The following ADGRL4 variants were observed in gnomAD, a reference collection of about 807,000 sequenced individuals.
ADGRL4 encodes EGF, latrophilin and seven transmembrane domain containing 1.
A neutral mutation model predicts 74.8 loss-of-function variants in ADGRL4; 90 were observed. The observed-to-expected ratio is 1.20, with a 90% CI of 1.02 to 1.43. ADGRL4 has a LOEUF of 1.43. Ranked by LOEUF, ADGRL4 falls within the 40% of genes most tolerant of loss-of-function variation. ADGRL4 has a pLI of 0.00. For missense variants in ADGRL4, 881 were observed against 814.3 expected (o/e 1.08, Z -1.00); for synonymous variants, 311 against 279.2 (o/e 1.11, Z -1.14).
chr1:78,907,775 G>A (rs953526310), intron 12 of ADGRL4, among the ~76,000 whole-genome samples: 4 of 151,816 alleles, frequency 2.6e-5, no homozygotes, highest in African/African-American at 9.7e-5. Context: ...CTTAGGAAGT[G>A]TCAAGCAGCC....
intron 8 of ADGRL4, among the ~76,000 whole-genome samples, chr1:78,926,090 G>T (rs1649107479): frequency 6.6e-6 from 1 of 151,930 alleles, no homozygotes; most frequent in Non-Finnish European, 1.5e-5. Context: ...TGGCATGTTT[G>T]TATTGTGTGT....
At chr1:78,920,465 C>A in intron 9 of ADGRL4, 79 bp from the exon 10 acceptor site, 9 of 791,966 alleles carry the variant, frequency 1.1e-5, no homozygotes, top group South Asian at 4.3e-5. Context: ...TAATGAACTT[C>A]CTTTTTTGGT....
At chr1:78,976,805 A>G (rs78253602) in intron 2 of ADGRL4, among the ~76,000 whole-genome samples, 2 of 151,200 alleles carry the variant, frequency 1.3e-5, no homozygotes, top group African/African-American at 4.8e-5. Context: ...AGAAAAAAAA[A>G]AAACCTCCAG....
intron 8 of ADGRL4, among the ~76,000 whole-genome samples, chr1:78,924,249 G>T (rs549059361): frequency 6.6e-6 from 1 of 151,842 alleles, no homozygotes; most frequent in Non-Finnish European, 1.5e-5. Flanking sequence ...CTAATATAAG[G>T]GTAAGGTAGA....
intron 2 of ADGRL4, among the ~76,000 whole-genome samples, chr1:78,956,238 A>C (rs1262370985): frequency 1.3e-5 from 2 of 152,148 alleles, no homozygotes; most frequent in African/African-American, 4.8e-5. Context: ...GCTTCTTGGT[A>C]TAGCGCTGTA....
intron 1 of ADGRL4, 76 bp downstream of exon 1, chr1:79,006,557 C>T: frequency 1.3e-6 from 2 of 1,501,554 alleles, no homozygotes; most frequent in South Asian, 1.2e-5. Flanking sequence ...TGAGCTCCAC[C>T]TCTTAAAAAA....
chr1:78,891,849 A>C (rs1648284957), intron 13 of ADGRL4, among the ~76,000 whole-genome samples, 157 bp from the exon 14 acceptor site: 1 of 152,310 alleles, frequency 6.6e-6, no homozygotes, highest in Non-Finnish European at 1.5e-5. Flanking sequence ...GTTGTGCTGC[A>C]GTTAGGTGTG....
At chr1:78,912,353 C>T (rs1021230129) in intron 12 of ADGRL4, among the ~76,000 whole-genome samples, 1 of 151,812 alleles carries the variant, frequency 6.6e-6, no homozygotes, top group Non-Finnish European at 1.5e-5. Flanking sequence ...AGGTCAAAAA[C>T]ACCTTGTTAT....
chr1:78,896,841 C>G (rs1648409546), intron 12 of ADGRL4, among the ~76,000 whole-genome samples: 1 of 152,098 alleles, frequency 6.6e-6, no homozygotes, highest in Admixed American at 6.6e-5. Context: ...CTCTGCTATA[C>G]CTCTTCCCCC....
intron 12 of ADGRL4, among the ~76,000 whole-genome samples, chr1:78,911,857 G>T (rs1241016772): frequency 6.6e-6 from 1 of 151,756 alleles, no homozygotes; most frequent in Non-Finnish European, 1.5e-5. Context: ...ATGTAGGGCT[G>T]GCATCATTAA....
intron 2 of ADGRL4, among the ~76,000 whole-genome samples, chr1:78,991,572 C>T (rs1650608013): frequency 6.6e-6 from 1 of 151,758 alleles, no homozygotes; most frequent in Non-Finnish European, 1.5e-5. Flanking sequence ...CTTTAAGTCT[C>T]GATATGCTCA....
chr1:78,963,347 T>C (rs1316780166), intron 2 of ADGRL4, among the ~76,000 whole-genome samples: 1 of 152,198 alleles, frequency 6.6e-6, no homozygotes, highest in Admixed American at 6.5e-5. Flanking sequence ...CTTTGCTTCT[T>C]TGATACCTGT....
At chr1:78,966,300 CCT>C (rs1650054937) in intron 2 of ADGRL4, among the ~76,000 whole-genome samples, 1 of 152,066 alleles carries the variant, frequency 6.6e-6, no homozygotes, top group Non-Finnish European at 1.5e-5. Flanking sequence ...GCGGAAAGTC[CCT>C]GTTTTCCTTT....
intron 2 of ADGRL4, among the ~76,000 whole-genome samples, chr1:78,983,618 T>A (rs1650438942): frequency 6.6e-6 from 1 of 151,816 alleles, no homozygotes; most frequent in African/African-American, 2.4e-5. Flanking sequence ...AGAGGAACAT[T>A]CAATTGAAAT....
In ADGRL4 at chr1:78,891,820, A is replaced by G. The variant is rs554619735; in HGVS notation, c.1842-128T>C. 3.5e-5 allele frequency: 26 copies of G among 734,842 alleles called. No individual in the cohort carries two copies. In the South Asian group the frequency reaches 5.5e-4, roughly 16 times the overall value. The allele number at this position is 734,842 out of a possible 1,614,324, so 45.5% of individuals were successfully genotyped here. On this transcript the variant is annotated intron_variant, in intron 13 of 14. Transcript: ENST00000370742. ...GAAACCTTTTACAAATAGACCCAATAGAATTTCCAAACTGCTAAGTTGTGC... is the reference window on the plus strand; with the variant it reads ...GAAACCTTTTACAAATAGACCCAATGGAATTTCCAAACTGCTAAGTTGTGC...
chr1:79,004,550 T>C (rs766098723), intron 2 of ADGRL4, among the ~76,000 whole-genome samples: 10 of 152,182 alleles, frequency 6.6e-5, no homozygotes, highest in Admixed American at 1.3e-4. Context: ...TTTCAAAAGA[T>C]GACGTCTTTT....
intron 2 of ADGRL4, among the ~76,000 whole-genome samples, chr1:78,959,013 T>C (rs1225196142): frequency 6.6e-6 from 1 of 152,192 alleles, no homozygotes; most frequent in Admixed American, 6.6e-5. Flanking sequence ...ATTGGTGGCA[T>C]TTTTCAGCAA....
chr1:78,945,705 T>C (rs2035726), intron 3 of ADGRL4, among the ~76,000 whole-genome samples: 18,451 of 152,074 alleles, frequency 0.12, 1,282 homozygotes, highest in East Asian at 0.33. Context: ...GAAATTATTT[T>C]CCCTACAAAG....
intron 2 of ADGRL4, among the ~76,000 whole-genome samples, chr1:78,993,435 T>A (rs977716873): frequency 6.6e-6 from 1 of 152,212 alleles, no homozygotes; most frequent in Non-Finnish European, 1.5e-5. Flanking sequence ...AAGTTGTGTT[T>A]ATGAAGTTTG....
Sources: allele counts gnomAD v4.1 joint callset (sites outside exome capture counted in the v4.1 genomes callset), GRCh38; gene constraint gnomAD v4.1.1; transcripts MANE v1.5; gene names NCBI Gene and HGNC (gene_info 2026-07-23, HGNC 2026-07-21).